The following TTLL11 variants were observed in gnomAD, a reference collection of about 807,000 sequenced individuals.
TTLL11 encodes tubulin polyglutamylase TTLL11.
A neutral mutation model predicts 51.7 loss-of-function variants in TTLL11; 42 were observed. The ratio of observed to expected loss-of-function variants is 0.81; its 90% CI spans 0.64 to 1.05. TTLL11 has a LOEUF of 1.05. TTLL11 is among the 50% of genes least tolerant of loss of function. The pLI is 0.00. For synonymous variants in TTLL11, 381 were observed against 383.5 expected, an observed-to-expected ratio of 0.99 and a Z score of 0.08; for missense variants, 799 against 940.4, an observed-to-expected ratio of 0.85 and a Z score of 1.97.
chr9:121,840,322 G>A (rs1588061198), intron 8 of TTLL11, among the ~76,000 whole-genome samples: 1 of 152,196 alleles, frequency 6.6e-6, no homozygotes, highest in African/African-American at 2.4e-5. Context: ...ACAGTGCGCT[G>A]CGATGTGACA....
At chr9:121,883,301 T>C (rs768498389) in intron 6 of TTLL11, among the ~76,000 whole-genome samples, 1 of 152,174 alleles carries the variant, frequency 6.6e-6, no homozygotes, top group Non-Finnish European at 1.5e-5. Flanking sequence ...CCAGAGGTGT[T>C]GAGGGACTTG....
At chr9:122,059,610 GA>G (rs1554789815) in intron 1 of TTLL11, among the ~76,000 whole-genome samples, 4 of 151,832 alleles carry the variant, frequency 2.6e-5, no homozygotes, top group Non-Finnish European at 5.9e-5. Flanking sequence ...CTGTGATTCA[GA>G]AAAAAAATGT....
chr9:121,895,553 ATG>A (rs1056406918), intron 6 of TTLL11, among the ~76,000 whole-genome samples: 7 of 142,742 alleles, frequency 4.9e-5, no homozygotes, highest in East Asian at 2.1e-4. Flanking sequence ...CGTTGTACAT[ATG>A]TGTGTGTCTG....
intron 6 of TTLL11, among the ~76,000 whole-genome samples, chr9:121,926,735 A>G (rs934381271): frequency 1.3e-5 from 2 of 152,332 alleles, no homozygotes; most frequent in African/African-American, 4.8e-5. Context: ...GGCACGAGCC[A>G]GGCCTGGCTT....
At chr9:121,888,034 TGGGACACTGG>T (rs1839079749) in intron 6 of TTLL11, among the ~76,000 whole-genome samples, 1 of 152,080 alleles carries the variant, frequency 6.6e-6, no homozygotes, top group African/African-American at 2.4e-5. Context: ...CTCACCCGGG[TGGGACACTGG>T]CCTGCAGCCT....
chr9:121,930,799 A>C (rs927905178), intron 6 of TTLL11, among the ~76,000 whole-genome samples: 3 of 152,270 alleles, frequency 2.0e-5, no homozygotes, highest in African/African-American at 7.2e-5. Context: ...CTCACAGGGC[A>C]GTTGTGAGGA....
chr9:122,004,831 A>G (rs1843592153), intron 3 of TTLL11, among the ~76,000 whole-genome samples: 2 of 152,234 alleles, frequency 1.3e-5, no homozygotes, highest in Non-Finnish European at 2.9e-5. Flanking sequence ...ACCTGCTCAC[A>G]CTTGAGTAGT....
At chr9:121,952,056 T>A (rs930948906) in intron 6 of TTLL11, among the ~76,000 whole-genome samples, 1 of 152,132 alleles carries the variant, frequency 6.6e-6, no homozygotes, top group South Asian at 2.1e-4. Context: ...ATCAGCAAGG[T>A]GGTTATGACC....
intron 8 of TTLL11, among the ~76,000 whole-genome samples, chr9:121,828,948 GACAAGA>G (rs1182523309): frequency 2.0e-5 from 3 of 151,728 alleles, no homozygotes; most frequent in African/African-American, 7.3e-5. Context: ...CTGGGCAACA[GACAAGA>G]CCCTGTATTT....
intron 1 of TTLL11, among the ~76,000 whole-genome samples, chr9:122,090,608 C>A (rs1400582422): frequency 6.6e-6 from 1 of 152,178 alleles, no homozygotes; most frequent in Non-Finnish European, 1.5e-5. Context: ...CGCAGCATTT[C>A]TCCTTTCACA....
chr9:121,885,566 G>A (rs1350514362), intron 6 of TTLL11: 1 of 152,182 alleles, frequency 6.6e-6, no homozygotes, highest in African/African-American at 2.4e-5. Context: ...TTCCATAAGA[G>A]ACCGTTTCCC....
At chr9:122,002,821 C>CTA (rs945597792) in intron 3 of TTLL11, among the ~76,000 whole-genome samples, 2 of 151,716 alleles carry the variant, frequency 1.3e-5, no homozygotes, top group African/African-American at 4.9e-5. Flanking sequence ...TGGCGCATGC[C>CTA]TATAGTCCCA....
chr9:121,972,425 A>G (rs1282215989), intron 6 of TTLL11, among the ~76,000 whole-genome samples: 1 of 152,220 alleles, frequency 6.6e-6, no homozygotes, highest in African/African-American at 2.4e-5. Context: ...TTTGGCTGCC[A>G]TCGGGTCTGA....
chr9:122,047,898 C>A (rs1026263476), intron 1 of TTLL11, among the ~76,000 whole-genome samples: 12 of 152,242 alleles, frequency 7.9e-5, no homozygotes, highest in Admixed American at 7.8e-4. Flanking sequence ...CTGGCAGGTC[C>A]CAGGCCCACA....
Position 122,092,894 on chromosome 9 carries a change from C to T in TTLL11, c.255G>A (p.Pro85=). 6.4e-7 allele frequency: 1 copy of T among 1,568,046 alleles called. No individual in the cohort carries two copies. Among genetic ancestry groups the T allele is most frequent in the Non-Finnish European group, 8.6e-7 (1 of 1,165,332 alleles). Residue 85 remains proline (P), a synonymous_variant, in exon 1 of 9, where the codon CCG becomes CCA. Coordinates refer to ENST00000321582, the MANE Select transcript of TTLL11 (RefSeq NM_001139442.2). ...EGNTQVLQRP[P]PTLPPSKPKP... ...TCGGCTTGGACGGGGGCAGCGTGGG[C>T]GGCGGCCGCTGAAGGACCTGGGTGT...
At chr9:121,836,290 C>T (rs1339760520) in intron 8 of TTLL11, among the ~76,000 whole-genome samples, 2 of 152,146 alleles carry the variant, frequency 1.3e-5, no homozygotes, top group Non-Finnish European at 2.9e-5. Flanking sequence ...GGATAAAAAA[C>T]CAGGGCAGAT....
At chr9:121,973,413 C>T (rs1422958102) in intron 6 of TTLL11, among the ~76,000 whole-genome samples, 3 of 152,156 alleles carry the variant, frequency 2.0e-5, no homozygotes, top group African/African-American at 7.2e-5. Flanking sequence ...TTTTCCTGTG[C>T]TTGAGGATTT....
intron 3 of TTLL11, among the ~76,000 whole-genome samples, chr9:122,012,776 T>A (rs1843848958): frequency 1.3e-5 from 2 of 152,106 alleles, no homozygotes; most frequent in African/African-American, 2.4e-5. Flanking sequence ...AAGTGATCTA[T>A]CATCATATAA....
In TTLL11 at chr9:121,989,021, G is replaced by T; in HGVS notation, c.1269+174C>A. On this transcript the variant is annotated intron_variant, in intron 4 of 8. Coordinates refer to ENST00000321582, the MANE Select transcript of TTLL11 (RefSeq NM_001139442.2). The surrounding 1 kb of genome is among the most constrained non-coding windows in gnomAD (Gnocchi z 4.2). The stretch of plus-strand genomic sequence containing the variant: ...TAGCTTGCCCCAAATCACACAGGGA[G>T]CAAACAGAAAGCTTGGAAGTTGGGC... The T allele has an allele frequency of 6.8e-7, 1 of 1,478,254 alleles. No homozygotes were observed. The highest frequency in any genetic ancestry group is 9.0e-7 in the Non-Finnish European group (1 of 1,110,112). 91.6% of individuals were successfully genotyped at this position (1,478,254 alleles called of 1,614,324 possible). A position where few individuals can be genotyped will look rare whatever the true frequency, so the allele number is the denominator to read the frequency against.
Sources: allele counts gnomAD v4.1 joint callset (sites outside exome capture counted in the v4.1 genomes callset), GRCh38; gene constraint gnomAD v4.1.1; non-coding constraint Gnocchi (gnomAD v3.1); transcripts MANE v1.5; gene names NCBI Gene and HGNC (gene_info 2026-07-23, HGNC 2026-07-21).